MAGI2: variants seen among roughly 807,000 people sequenced by gnomAD.
The protein encoded by MAGI2 is membrane associated guanylate kinase, WW and PDZ domain containing 2.
In MAGI2, 35 loss-of-function variants were observed where a neutral mutation model predicts 133.3. The observed-to-expected ratio is 0.26, with a 90% CI of 0.20 to 0.35. The LOEUF (loss-of-function observed/expected upper bound fraction) is 0.35, where lower values mean the gene tolerates loss of function less well. Among genes scored for constraint, MAGI2 ranks in the 10% least tolerant of loss-of-function variants. The pLI is 1.00. For missense variants in MAGI2, 1,636 were observed against 1,863.4 expected (o/e 0.88, Z 2.25); for synonymous variants, 729 against 710.6 (o/e 1.03, Z -0.41).
intron 3 of MAGI2, among the ~76,000 whole-genome samples, chr7:78,532,362 C>G (rs1001729292): frequency 1.3e-5 from 2 of 152,216 alleles, no homozygotes; most frequent in African/African-American, 4.8e-5. Context: ...ATGTGGAAAA[C>G]TGTCATTTGA....
chr7:78,731,707 A>G (rs781306640), intron 2 of MAGI2, among the ~76,000 whole-genome samples: 50 of 152,106 alleles, frequency 3.3e-4, no homozygotes, highest in Non-Finnish European at 1.2e-4. Context: ...TCAGTATCCA[A>G]TTTTTGCTGC....
intron 1 of MAGI2, among the ~76,000 whole-genome samples, chr7:79,299,259 GAA>G (rs1837190172): frequency 6.6e-6 from 1 of 152,104 alleles, no homozygotes; most frequent in Admixed American, 6.5e-5. Context: ...TCCGGGCAGA[GAA>G]ATGGGAATGA....
intron 10 of MAGI2, among the ~76,000 whole-genome samples, chr7:78,210,511 G>C (rs181335780): frequency 6.6e-6 from 1 of 152,144 alleles, no homozygotes; most frequent in Non-Finnish European, 1.5e-5. Flanking sequence ...GTTAGATTAT[G>C]GGCAAAATAA....
At chr7:78,927,400 G>A (rs1052649586) in intron 2 of MAGI2, among the ~76,000 whole-genome samples, 1 of 151,954 alleles carries the variant, frequency 6.6e-6, no homozygotes, top group Non-Finnish European at 1.5e-5. Context: ...ATGAATAGCT[G>A]GTTCAAGTTC....
At chr7:79,304,604 T>C (rs1837642640) in intron 1 of MAGI2, among the ~76,000 whole-genome samples, 1 of 151,712 alleles carries the variant, frequency 6.6e-6, no homozygotes, top group Non-Finnish European at 1.5e-5. Flanking sequence ...CATGATTTAG[T>C]CTGAGCCCAG....
intron 14 of MAGI2, among the ~76,000 whole-genome samples, chr7:78,177,418 GCACACACACA>G (rs3972360): frequency 2.5e-5 from 3 of 120,260 alleles, no homozygotes; most frequent in African/African-American, 9.0e-5. Flanking sequence ...GTGAATACGC[GCACACACACA>G]CACACACACA....
intron 21 of MAGI2, among the ~76,000 whole-genome samples, chr7:78,029,032 T>C (rs1809277843): frequency 6.6e-6 from 1 of 152,142 alleles, no homozygotes; most frequent in Non-Finnish European, 1.5e-5. Context: ...ATTAATAACC[T>C]TATTAATATA....
At chr7:78,749,242 A>G (rs938124298) in intron 2 of MAGI2, among the ~76,000 whole-genome samples, 3 of 152,188 alleles carry the variant, frequency 2.0e-5, no homozygotes, top group African/African-American at 4.8e-5. Context: ...ATTTACATAC[A>G]TGGAGTTCAG....
At chr7:79,407,356 A>T (rs1004369032) in intron 1 of MAGI2, among the ~76,000 whole-genome samples, 1 of 152,138 alleles carries the variant, frequency 6.6e-6, no homozygotes, top group African/African-American at 2.4e-5. Context: ...TGAAAGATAT[A>T]TTATCTCAGC....
At chr7:78,890,677 A>G (rs1403091152) in intron 2 of MAGI2, among the ~76,000 whole-genome samples, 1 of 152,182 alleles carries the variant, frequency 6.6e-6, no homozygotes, top group African/African-American at 2.4e-5. Context: ...CTTTGAAACC[A>G]ATGAGAACAA....
intron 2 of MAGI2, among the ~76,000 whole-genome samples, chr7:78,715,352 A>G (rs1274290885): frequency 6.6e-6 from 1 of 152,176 alleles, no homozygotes; most frequent in Admixed American, 6.5e-5. Context: ...ACTGTCTAGA[A>G]TATTTTAGTA....
intron 2 of MAGI2, among the ~76,000 whole-genome samples, chr7:78,655,179 G>A (rs1011285514): frequency 1.3e-5 from 2 of 151,434 alleles, no homozygotes; most frequent in African/African-American, 4.9e-5. Context: ...GCAGAAAAAG[G>A]CTAAAAAAGT....
rs575521922 is a variant in MAGI2, at chr7:78,544,093, C to T, written c.539-22448G>A. On this transcript the variant is annotated intron_variant, in intron 3 of 21. Coordinates refer to ENST00000354212, the MANE Select transcript of MAGI2 (RefSeq NM_012301.4). ...TGAAATTCATGAATTACAGCTCTTC[C>T]GACAAGAGCCCTTAGTGGCTCCAGG... Among the ~76,000 whole-genome samples, 8 of 152,296 alleles carry T rather than the reference C, an allele frequency of 5.3e-5. No individual in the cohort carries two copies. In the South Asian group the frequency reaches 6.2e-4, roughly 12 times the overall value.
chr7:79,215,890 C>T (rs1829992176), intron 1 of MAGI2, among the ~76,000 whole-genome samples: 1 of 151,954 alleles, frequency 6.6e-6, no homozygotes, highest in African/African-American at 2.4e-5. Flanking sequence ...TTGGTTTACA[C>T]ATTTTTACAT....
chr7:78,771,466 G>C (rs1825584749), intron 2 of MAGI2: 1 of 152,164 alleles, frequency 6.6e-6, no homozygotes, highest in East Asian at 1.9e-4. Context: ...GGAAAATCTA[G>C]CTCCTAGAGA....
intron 10 of MAGI2, 141 bp downstream of exon 10, chr7:78,255,801 GT>G (rs767728223): frequency 3.2e-5 from 28 of 863,914 alleles, no homozygotes; most frequent in Non-Finnish European, 4.7e-5. Flanking sequence ...TTTAATTCAT[GT>G]TTTTCTCTCT....
At chr7:78,816,560 G>A (rs967170117) in intron 2 of MAGI2, among the ~76,000 whole-genome samples, 1 of 152,172 alleles carries the variant, frequency 6.6e-6, no homozygotes, top group Non-Finnish European at 1.5e-5. Flanking sequence ...GTGACTTTAA[G>A]TTGAAGTCAA....
chr7:78,986,415 T>C lies in MAGI2; in HGVS notation c.418+20675A>G, dbSNP rs141369926. ...TTTCATCTGTTTGAAATACCATCCC[T>C]AGGAGATTAGTCTGTTCCTTCTCAA... On this transcript the variant is annotated intron_variant, in intron 2 of 21. Coordinates refer to ENST00000354212, the MANE Select transcript of MAGI2 (RefSeq NM_012301.4). Among the ~76,000 whole-genome samples the C allele has an allele frequency of 7.9e-5, 12 of 152,206 alleles. No individual in the cohort carries two copies. In the East Asian group the frequency reaches 2.3e-3, roughly 30 times the overall value.
chr7:79,446,657 T>C (rs904181544), intron 1 of MAGI2, among the ~76,000 whole-genome samples: 9 of 152,136 alleles, frequency 5.9e-5, no homozygotes, highest in African/African-American at 2.2e-4. Flanking sequence ...TCTTTGAAAG[T>C]ATATCAATGG....
Sources: gnomAD v4.1 joint callset for allele counts (sites outside exome capture counted in the v4.1 genomes callset) on GRCh38, gnomAD v4.1.1 for gene constraint, MANE v1.5 for transcripts, NCBI Gene and HGNC (gene_info 2026-07-23, HGNC 2026-07-21) for gene names.